ACSL3: variants seen among roughly 807,000 people sequenced by gnomAD.
ACSL3 encodes the protein fatty acid CoA ligase Acsl3.
A neutral mutation model predicts 84.7 loss-of-function variants in ACSL3; 34 were observed. The ratio of observed to expected loss-of-function variants is 0.40; its 90% CI spans 0.31 to 0.53. The LOEUF (loss-of-function observed/expected upper bound fraction) is 0.53. Ranked by LOEUF, ACSL3 falls within the 20% of genes least tolerant of loss-of-function variation. The pLI is 0.48. For synonymous variants in ACSL3, 315 were observed against 299.4 expected (o/e 1.05, Z -0.54); for missense variants, 680 against 873.1 (o/e 0.78, Z 2.79).
At chr2:222,932,244 C>G (rs992018273) in intron 14 of ACSL3, among the ~76,000 whole-genome samples, 6 of 152,214 alleles carry the variant, frequency 3.9e-5, no homozygotes, top group Non-Finnish European at 7.3e-5. Context: ...CTGCCTGGTA[C>G]TAATGGATAC....
rs1365180852 is a variant in ACSL3 at position 222,916,387 on chromosome 2, T to C, written c.447T>C (p.Asn149=). 7 of 1,613,936 alleles carry C rather than the reference T, an allele frequency of 4.3e-6. No individual in the cohort carries two copies. In the South Asian group the frequency reaches 5.5e-5, roughly 13 times the overall value. ...TTGTTCGAGCCTTTAATTTTGGAAA[T>C]GGATTACAGATGTTGGGTCAGAAAC... ...DVFVRAFNFG[N]GLQMLGQKPK... The change falls in exon 5 of 17, where the codon AAT becomes AAC. Residue 149 remains asparagine, a synonymous_variant. Coordinates refer to ENST00000357430, the MANE Select transcript of ACSL3 (RefSeq NM_004457.5).
intron 4 of ACSL3, among the ~76,000 whole-genome samples, chr2:222,913,888 G>A (rs114025927): frequency 0.013 from 1,947 of 152,306 alleles, 15 homozygotes; most frequent in Middle Eastern, 0.058. Flanking sequence ...TATGGTAAGA[G>A]TTTAATAAGT....
chr2:222,892,462 G>T (rs942363527), intron 2 of ACSL3, among the ~76,000 whole-genome samples: 3 of 146,296 alleles, frequency 2.1e-5, no homozygotes, highest in African/African-American at 7.5e-5. Context: ...ATAGTCTCTG[G>T]TTGCACTTTC....
intron 1 of ACSL3, among the ~76,000 whole-genome samples, chr2:222,876,648 T>C (rs1695457849): frequency 6.6e-6 from 1 of 152,182 alleles, no homozygotes; most frequent in South Asian, 2.1e-4. Context: ...AAATATTTTC[T>C]TTATGCCTAT....
Position 222,923,100 on chromosome 2 carries a change from G to T in ACSL3, c.1103G>T (p.Ser368Ile). ...ADQSSKIKKG[S>I]KGDTSMLKPT... is the part of the protein sequence containing the mutation. ...TAGTCTTCAAAAATTAAAAAAGGAA[G>T]CAAAGGGGATACATCCATGTTGAAA... is the stretch of plus-strand genomic sequence containing the variant. The change falls in exon 10 of 17, where the codon AGC becomes ATC. Residue 368 changes from serine to isoleucine, a missense_variant. Ser to Ile is a moderately radical substitution (Grantham distance 142). Transcript: ENST00000357430. 4 of 1,613,776 alleles carry T rather than the reference G, an allele frequency of 2.5e-6. No individual in the cohort carries two copies. The highest frequency in any genetic ancestry group is 3.4e-6 in the Non-Finnish European group (4 of 1,179,800).
In ACSL3 at chr2:222,943,694, G is replaced by GCTT. The variant is rs2106149768; in HGVS notation, c.*2040_*2041insCTT. 4 of 152,218 alleles carry GCTT rather than the reference G, an allele frequency of 2.6e-5. No individual in the cohort carries two copies. The South Asian group carries it at 8.3e-4, about 32-fold the overall frequency. 9.4% of individuals were successfully genotyped at this position (152,218 alleles called of 1,614,324 possible). A position where few individuals can be genotyped will look rare whatever the true frequency, so the allele number is the denominator to read the frequency against. On this transcript the variant is annotated 3_prime_UTR_variant, in exon 17 of 17. Transcript: ENST00000357430. ...ATGCCACAGTAGAAAGTGAAATTAA[G>GCTT]TAGAGTCCCCTTTTAAACAAATTTG...
In ACSL3 at chr2:222,934,419, A is replaced by G; in HGVS notation, c.1848-111A>G. On this transcript the variant is annotated intron_variant, in intron 15 of 16. Transcript: ENST00000357430. ...GATATGCCAGTGCCAAGTATGGCAC[A>G]TGCATTTTAAAAAAAATGAGGAGTT... 3 of 843,742 alleles carry G rather than the reference A, an allele frequency of 3.6e-6. 1 individual carries two copies. The highest frequency in any genetic ancestry group is 7.2e-4 in the Middle Eastern group (2 of 2,792). 52.3% of individuals were successfully genotyped at this position (843,742 alleles called of 1,614,324 possible). A position where few individuals can be genotyped will look rare whatever the true frequency, so the allele number is the denominator to read the frequency against.
chr2:222,913,761 T>G (rs1210141585), intron 4 of ACSL3, among the ~76,000 whole-genome samples: 2 of 152,230 alleles, frequency 1.3e-5, no homozygotes, highest in African/African-American at 4.8e-5. Flanking sequence ...TTGCCTGGGT[T>G]CATATTCTAG....
chr2:222,901,391 A>G (rs578232715), intron 3 of ACSL3, among the ~76,000 whole-genome samples: 4 of 152,314 alleles, frequency 2.6e-5, no homozygotes, highest in African/African-American at 9.6e-5. Flanking sequence ...TGGATTCTTA[A>G]ATTGACTCCA....
rs202245769 is a variant in ACSL3 at position 222,922,813 on chromosome 2, A to C, written c.1062A>C (p.Pro354=). ...GATGCCGCATTGGTTACTCTTCACC[A>C]CAGACTTTAGCAGATCAGGTAAGTT... ...SHGCRIGYSS[P]QTLADQSSKI... is the part of the protein sequence containing the mutation. Residue 354 remains proline (P), a synonymous_variant, in exon 9 of 17, where the codon CCA becomes CCC. Transcript: ENST00000357430. 6.2e-7 allele frequency: 1 copy of C among 1,614,060 alleles called. No homozygotes were observed. The highest frequency in any genetic ancestry group is 8.5e-7 in the Non-Finnish European group (1 of 1,180,002).
chr2:222,886,603 T>C lies in ACSL3; in HGVS notation c.-206-1227T>C, dbSNP rs151144691. Among the ~76,000 whole-genome samples the C allele has an allele frequency of 2.0e-3, 299 of 152,358 alleles. 4 individuals carry two copies. The highest frequency in any genetic ancestry group is 7.0e-3 in the African/African-American group (291 of 41,580). On this transcript the variant is annotated intron_variant, in intron 1 of 16. Coordinates refer to ENST00000357430, the MANE Select transcript of ACSL3 (RefSeq NM_004457.5). ...GCTTCGCAGGTGATAGAGAAAATCA[T>C]TGAAAAAATTTGAAAGTGTTTTTTA...
chr2:222,893,705 CTTCTT>C (rs996748329), intron 2 of ACSL3, among the ~76,000 whole-genome samples: 4 of 151,910 alleles, frequency 2.6e-5, no homozygotes, highest in Non-Finnish European at 5.9e-5. Flanking sequence ...TCTCTCTTCT[CTTCTT>C]TTCTCTCCTC....
intron 1 of ACSL3, among the ~76,000 whole-genome samples, chr2:222,875,004 T>C (rs566760717): frequency 6.6e-6 from 1 of 152,204 alleles, no homozygotes; most frequent in South Asian, 2.1e-4. Flanking sequence ...TCTTCATTTA[T>C]GTGAAAATTT....
At chr2:222,926,149 T>C (rs115667545) in intron 11 of ACSL3, among the ~76,000 whole-genome samples, 2,356 of 152,298 alleles carry the variant, frequency 0.015, 31 homozygotes, top group Non-Finnish European at 0.022. Flanking sequence ...GAAAATACAG[T>C]ATAACAACTA....
chr2:222,904,235 C>T (rs1696233967), intron 3 of ACSL3, among the ~76,000 whole-genome samples: 1 of 151,980 alleles, frequency 6.6e-6, no homozygotes, highest in Non-Finnish European at 1.5e-5. Context: ...CGCACCATTG[C>T]ACTCCAGCCT....
intron 16 of ACSL3, 78 bp from the exon 17 acceptor site, chr2:222,941,419 G>A (rs1157483626): frequency 8.9e-6 from 11 of 1,238,690 alleles, no homozygotes; most frequent in Non-Finnish European, 1.2e-5. Flanking sequence ...TGATGGATAC[G>A]CAAAAAGTGG....
chr2:222,930,459 C>T (rs1696997863), intron 13 of ACSL3, among the ~76,000 whole-genome samples, 162 bp from the exon 14 acceptor site: 1 of 152,108 alleles, frequency 6.6e-6, no homozygotes, highest in African/African-American at 2.4e-5. Context: ...GATTTTGTGC[C>T]TACTGTTAAA....
At chr2:222,916,932 G>A (rs918398732) in intron 5 of ACSL3, among the ~76,000 whole-genome samples, 2 of 152,022 alleles carry the variant, frequency 1.3e-5, no homozygotes, top group Non-Finnish European at 2.9e-5. Flanking sequence ...TATCTGAATG[G>A]TAATTGTGGT....
intron 1 of ACSL3, among the ~76,000 whole-genome samples, chr2:222,863,432 G>A (rs1695061381): frequency 6.6e-6 from 1 of 152,106 alleles, no homozygotes; most frequent in South Asian, 2.1e-4. Flanking sequence ...ATGTCATCCC[G>A]GCTCTCATTG....
Sources: gnomAD v4.1 joint callset for allele counts (sites outside exome capture counted in the v4.1 genomes callset) on GRCh38, gnomAD v4.1.1 for gene constraint, MANE v1.5 for transcripts, NCBI Gene and HGNC (gene_info 2026-07-23, HGNC 2026-07-21) for gene names.